The following MCMBP variants were observed in gnomAD, a reference collection of about 807,000 sequenced individuals.
MCMBP encodes the protein mini-chromosome maintenance complex-binding protein.
MCMBP carries 31 observed loss-of-function variants against 81.3 expected under a neutral mutation model. The ratio of observed to expected loss-of-function variants is 0.38; its 90% CI spans 0.29 to 0.51. The LOEUF is 0.51. Among genes scored for constraint, MCMBP ranks in the 20% least tolerant of loss-of-function variants. MCMBP has a pLI of 0.87. For missense variants in MCMBP, 645 were observed against 772.1 expected, an observed-to-expected ratio of 0.84 and a Z score of 1.95; for synonymous variants, 267 against 275.9, an observed-to-expected ratio of 0.97 and a Z score of 0.32.
chr10:119,872,647 G>C lies in MCMBP; in HGVS notation c.-63C>G. On this transcript the variant is annotated 5_prime_UTR_variant, in exon 1 of 16. Coordinates refer to ENST00000369077, the MANE Select transcript of MCMBP (RefSeq NM_001256378.2). ...GCGATCCGCGGGCCGAGCGCGGCCG[G>C]GCGGCCGGCGCCCAGCTCCTCTTCA... 2 of 947,464 alleles carry C rather than the reference G, an allele frequency of 2.1e-6. No individual in the cohort carries two copies. The highest frequency in any genetic ancestry group is 5.1e-5 in the East Asian group (1 of 19,690). The allele number at this position is 947,464 out of a possible 1,614,324, so 58.7% of individuals were successfully genotyped here. A position where few individuals can be genotyped will look rare whatever the true frequency, so the allele number is the denominator to read the frequency against.
intron 5 of MCMBP, among the ~76,000 whole-genome samples, chr10:119,856,443 G>C (rs1322216444): frequency 6.6e-6 from 1 of 152,190 alleles, no homozygotes; most frequent in Non-Finnish European, 1.5e-5. Context: ...CAAGATGTCA[G>C]ACACAAAGAC....
At chr10:119,852,802 A>G (rs191231056) in intron 6 of MCMBP, among the ~76,000 whole-genome samples, 38 of 152,286 alleles carry the variant, frequency 2.5e-4, no homozygotes, top group African/African-American at 9.1e-4. Context: ...GATAGAAAAG[A>G]CCTTTCCAGA....
At chr10:119,866,993 T>A (rs61869124) in intron 1 of MCMBP, among the ~76,000 whole-genome samples, 8,369 of 149,200 alleles carry the variant, frequency 0.056, 423 homozygotes, top group South Asian at 0.27. Context: ...GCAAAAACAG[T>A]TAAAAGCGGT....
intron 4 of MCMBP, chr10:119,858,229 A>G (rs912238734): frequency 2.0e-5 from 3 of 152,290 alleles, no homozygotes; most frequent in African/African-American, 7.2e-5. Context: ...GAGGCTGTCC[A>G]TGTGTGACAC....
rs1564883310 is a variant in MCMBP at position 119,857,369 on chromosome 10, G to A, written c.398C>T (p.Pro133Leu). 3.7e-6 allele frequency: 6 copies of A among 1,610,016 alleles called. No individual in the cohort carries two copies. Among genetic ancestry groups the A allele is most frequent in the African/African-American group, 1.3e-5 (1 of 74,936 alleles). ...TACCCACGTAGATTCCCCAGGCACCGGAACACAATAGAAAGTCTGTCTTTC... is the reference window on the plus strand; with the variant it reads ...TACCCACGTAGATTCCCCAGGCACCAGAACACAATAGAAAGTCTGTCTTTC... ...TLERQTFYCV[P>L]VPGESTWVKE... Residue 133 changes from proline (P) to leucine (L), a missense_variant, in exon 5 of 16, where the codon CCG (proline) becomes CTG (leucine). Transcript: ENST00000369077.
intron 2 of MCMBP, 152 bp downstream of exon 2, chr10:119,859,647 A>G (rs574417632): frequency 1.8e-6 from 1 of 557,376 alleles, no homozygotes; most frequent in South Asian, 3.3e-5. Flanking sequence ...CTTAATTAGC[A>G]AAAGACCAAA....
chr10:119,831,496 C>T lies in MCMBP; in HGVS notation c.1901G>A (p.Cys634Tyr), dbSNP rs766848011. ...LRRTRLQQQK[C>Y]VNGNEL The stretch of plus-strand genomic sequence containing the variant: ...TCTTTAAAGTTCATTTCCATTCACA[C>T]ATTTTTGCTGCTGAAGCCTCGTTCT... The change falls in exon 16 of 16, where the codon TGT (cysteine) becomes TAT (tyrosine). Residue 634 changes from cysteine to tyrosine, a missense_variant. Physicochemically the swap from Cys to Tyr is radical, Grantham distance 194. Coordinates refer to ENST00000369077, the MANE Select transcript of MCMBP (RefSeq NM_001256378.2). The T allele has an allele frequency of 1.2e-6, 2 of 1,613,866 alleles. No individual in the cohort carries two copies. Among genetic ancestry groups the T allele is most frequent in the African/African-American group, 1.3e-5 (1 of 74,912 alleles).
intron 11 of MCMBP, among the ~76,000 whole-genome samples, 181 bp downstream of exon 11, chr10:119,840,661 CA>C (rs1035474488): frequency 6.6e-6 from 1 of 151,382 alleles, no homozygotes; most frequent in African/African-American, 2.4e-5. Context: ...GGCAAAAAGA[CA>C]AAAAAAAGTG....
chr10:119,853,303 G>T lies in MCMBP; in HGVS notation c.430-109C>A. 3.4e-6 allele frequency: 4 copies of T among 1,170,694 alleles called. No individual in the cohort carries two copies. In the East Asian group the frequency reaches 9.7e-5, roughly 29 times the overall value. 72.5% of individuals were successfully genotyped at this position (1,170,694 alleles called of 1,614,324 possible). A position where few individuals can be genotyped will look rare whatever the true frequency, so the allele number is the denominator to read the frequency against. ...CTAGTTTGGCAATTCAGTTAAAATA[G>T]AATGCATTTTCATAAAAGGAGGCTA... On this transcript the variant is annotated intron_variant, in intron 5 of 15. Transcript: ENST00000369077.
rs1852883896 is a variant in MCMBP, at chr10:119,852,971, T to C, written c.574+79A>G. ...TTGCCAGCTCCTAAATATAGAGCTATATTATGTAACAATTCACTCTGAAAA... is the reference window on the plus strand; with the variant it reads ...TTGCCAGCTCCTAAATATAGAGCTACATTATGTAACAATTCACTCTGAAAA... On this transcript the variant is annotated intron_variant, in intron 6 of 15. Transcript: ENST00000369077. 1.4e-5 allele frequency: 21 copies of C among 1,535,316 alleles called. No individual in the cohort carries two copies. In the East Asian group the frequency reaches 4.8e-4, roughly 35 times the overall value.
chr10:119,870,746 T>C (rs963293823), intron 1 of MCMBP, among the ~76,000 whole-genome samples: 13 of 152,194 alleles, frequency 8.5e-5, no homozygotes, highest in African/African-American at 2.9e-4. Context: ...AATAAAGATA[T>C]GCAATACAAT....
Position 119,830,688 on chromosome 10 carries a change from A to G in MCMBP, c.*786T>C, listed in dbSNP as rs1324533047. Reference sequence around the variant, plus strand: ...TTGGTTTCTTTTGCCCCCAAAAGCCACATTCATTCCGTTTAAAGGACTCCT... The same window carrying G: ...TTGGTTTCTTTTGCCCCCAAAAGCCGCATTCATTCCGTTTAAAGGACTCCT... On this transcript the variant is annotated 3_prime_UTR_variant, in exon 16 of 16. Transcript: ENST00000369077. 1 of 152,638 alleles carries G rather than the reference A, an allele frequency of 6.6e-6. No individual in the cohort carries two copies. The highest frequency in any genetic ancestry group is 2.4e-5 in the African/African-American group (1 of 41,454). 9.5% of individuals were successfully genotyped at this position (152,638 alleles called of 1,614,324 possible).
chr10:119,836,782 T>TAAAAAAAAA, intron 13 of MCMBP, 114 bp downstream of exon 13: 1 of 165,936 alleles, frequency 6.0e-6, no homozygotes, highest in Non-Finnish European at 1.0e-5. Context: ...TTTTTTTTTT[T>TAAAAAAAAA]TTTTTTTTTT....
chr10:119,843,638 T>C (rs1341194042), intron 8 of MCMBP, among the ~76,000 whole-genome samples: 1 of 152,144 alleles, frequency 6.6e-6, no homozygotes, highest in Non-Finnish European at 1.5e-5. Flanking sequence ...AATGCATTTA[T>C]TCAATTTTTC....
At chr10:119,835,958 T>G (rs115925421) in intron 13 of MCMBP, among the ~76,000 whole-genome samples, 3 of 152,220 alleles carry the variant, frequency 2.0e-5, no homozygotes, top group African/African-American at 7.2e-5. Context: ...CACCTCAGCC[T>G]CCTCAGTAGT....
intron 7 of MCMBP, 31 bp from the exon 8 acceptor site, chr10:119,847,744 TAGAAC>T: frequency 7.7e-7 from 1 of 1,306,288 alleles, no homozygotes; most frequent in East Asian, 2.3e-5. Flanking sequence ...ATCACACTGT[TAGAAC>T]AGACACAAAG....
chr10:119,865,449 G>A (rs1839573810), intron 1 of MCMBP, among the ~76,000 whole-genome samples: 1 of 152,290 alleles, frequency 6.6e-6, no homozygotes, highest in Non-Finnish European at 1.5e-5. Flanking sequence ...AAAGTTAGCT[G>A]GGCTTGCTGG....
At chr10:119,844,920 C>G (rs148075182) in intron 8 of MCMBP, among the ~76,000 whole-genome samples, 152 of 152,338 alleles carry the variant, frequency 1.0e-3, no homozygotes, top group African/African-American at 3.5e-3. Context: ...GAAGCCTACA[C>G]TGGTGGCTTC....
intron 7 of MCMBP, among the ~76,000 whole-genome samples, chr10:119,847,955 C>T (rs760746291): frequency 4.2e-4 from 64 of 150,872 alleles, no homozygotes; most frequent in Non-Finnish European, 4.4e-4. Flanking sequence ...TACCACAGTA[C>T]TACAAAAAAA....
Sources: gnomAD v4.1 joint callset for allele counts (sites outside exome capture counted in the v4.1 genomes callset) on GRCh38, gnomAD v4.1.1 for gene constraint, MANE v1.5 for transcripts, NCBI Gene and HGNC (gene_info 2026-07-23, HGNC 2026-07-21) for gene names.